VPS50: variants seen among roughly 807,000 people sequenced by gnomAD.
The protein encoded by VPS50 is syndetin.
Under a neutral mutation model 139.7 loss-of-function variants are expected in VPS50, and 70 were observed. The observed-to-expected ratio is 0.50, with a 90% CI of 0.41 to 0.61. The LOEUF is 0.61. Among genes scored for constraint, VPS50 ranks in the 20% least tolerant of loss-of-function variants. VPS50 has a pLI of 0.00. For synonymous variants in VPS50, 365 were observed against 376.7 expected, an observed-to-expected ratio of 0.97 and a Z score of 0.36; for missense variants, 921 against 1,133.7, an observed-to-expected ratio of 0.81 and a Z score of 2.69.
At chr7:93,271,591 A>G (rs1796011977) in intron 10 of VPS50, among the ~76,000 whole-genome samples, 1 of 151,710 alleles carries the variant, frequency 6.6e-6, no homozygotes, top group Admixed American at 6.6e-5. Flanking sequence ...CAGTTACTTT[A>G]TTGTTTAGTA....
chr7:93,233,701 G>A (rs1484205216), intron 1 of VPS50, among the ~76,000 whole-genome samples: 2 of 152,192 alleles, frequency 1.3e-5, no homozygotes, highest in African/African-American at 4.8e-5. Context: ...GGTGTTGTGC[G>A]TCCTACTACT....
At chr7:93,253,990 A>G in intron 4 of VPS50, 59 bp downstream of exon 4, 1 of 844,750 alleles carries the variant, frequency 1.2e-6, no homozygotes, top group East Asian at 2.5e-5. Flanking sequence ...CACAACAGAG[A>G]GGTATAATGT....
In VPS50 at chr7:93,324,456, C is replaced by T. The variant is rs139777730; in HGVS notation, c.1977+724C>T. Among the ~76,000 whole-genome samples, 1,132 of 152,292 alleles carry T rather than the reference C, an allele frequency of 7.4e-3. 13 individuals carry two copies. The highest frequency in any genetic ancestry group is 0.026 in the African/African-American group (1,074 of 41,556). On this transcript the variant is annotated intron_variant, in intron 21 of 27. Coordinates refer to ENST00000305866, the MANE Select transcript of VPS50 (RefSeq NM_017667.4). ...AGATAGCTCTTATTATTTTGAGATA[C>T]ATCCCGTGAATACCTAATTTATTGA...
At position 93,241,758 on chromosome 7, in the gene VPS50, C is replaced by T. The variant is rs138634073; in HGVS notation, c.102+1824C>T. ...TAAGAAGACTCATATTCAGAAATTC[C>T]CTACACAGCATAGCTTGATGTAGCT... On this transcript the variant is annotated intron_variant, in intron 2 of 27. Transcript: ENST00000305866. Among the ~76,000 whole-genome samples, 241 of 152,022 alleles carry T rather than the reference C, an allele frequency of 1.6e-3. 3 individuals are homozygous for T. Among genetic ancestry groups the T allele is most frequent in the African/African-American group, 5.7e-3 (238 of 41,490 alleles).
intron 10 of VPS50, 62 bp downstream of exon 10, chr7:93,271,324 A>G: frequency 1.4e-6 from 2 of 1,475,576 alleles, no homozygotes; most frequent in Non-Finnish European, 1.8e-6. Context: ...TGAATAGCCT[A>G]GGTGCAACAT....
chr7:93,256,920 ACTGT>A (rs1161985633), intron 5 of VPS50, among the ~76,000 whole-genome samples: 1 of 152,108 alleles, frequency 6.6e-6, no homozygotes, highest in Non-Finnish European at 1.5e-5. Context: ...TAAAATTGGT[ACTGT>A]CTAACTGAAT....
chr7:93,354,299 C>CT (rs199933408), intron 26 of VPS50, among the ~76,000 whole-genome samples: 151 of 141,222 alleles, frequency 1.1e-3, no homozygotes, highest in East Asian at 2.3e-3. Flanking sequence ...TCTTTTCTTT[C>CT]TTTTTTTTTT....
At chr7:93,325,674 CA>C (rs1797748753) in intron 21 of VPS50, among the ~76,000 whole-genome samples, 1 of 152,062 alleles carries the variant, frequency 6.6e-6, no homozygotes, top group Admixed American at 6.6e-5. Context: ...GACATTTATG[CA>C]GCCAAAAAAC....
At chr7:93,339,542 G>A (rs752632034) in intron 22 of VPS50, among the ~76,000 whole-genome samples, 3 of 152,022 alleles carry the variant, frequency 2.0e-5, no homozygotes, top group East Asian at 1.9e-4. Flanking sequence ...TATTAGATGC[G>A]TTTACATCCA....
intron 21 of VPS50, among the ~76,000 whole-genome samples, chr7:93,329,454 G>A (rs913150627): frequency 6.6e-6 from 1 of 151,824 alleles, no homozygotes; most frequent in East Asian, 1.9e-4. Flanking sequence ...AAACATGTTC[G>A]ATTATATCAC....
intron 22 of VPS50, among the ~76,000 whole-genome samples, chr7:93,335,025 T>G (rs1483506980): frequency 6.6e-6 from 1 of 152,184 alleles, no homozygotes; most frequent in Non-Finnish European, 1.5e-5. Flanking sequence ...TTATTGAAGC[T>G]TTTTATAAAG....
chr7:93,327,558 C>T (rs1210306013), intron 21 of VPS50, among the ~76,000 whole-genome samples: 1 of 152,044 alleles, frequency 6.6e-6, no homozygotes, highest in African/African-American at 2.4e-5. Context: ...TTGTTATGAA[C>T]ACACTAATCT....
At chr7:93,256,315 G>A (rs946775540) in intron 4 of VPS50, 194 bp from the exon 5 acceptor site, 3 of 384,546 alleles carry the variant, frequency 7.8e-6, no homozygotes, top group Non-Finnish European at 1.4e-5. Context: ...CCTGTGCTAT[G>A]TGCTTTATTA....
At position 93,341,529 on chromosome 7, in the gene VPS50, G is replaced by T. The variant is rs1248895939; in HGVS notation, c.2161G>T (p.Asp721Tyr). 6.2e-7 allele frequency: 1 copy of T among 1,612,316 alleles called. No homozygotes were observed. Among genetic ancestry groups the T allele is most frequent in the Admixed American group, 1.7e-5 (1 of 59,904 alleles). The part of the protein sequence containing the change: ...LSHLVVLTSG[D>Y]TLYGLAERVV... ...TCACCTAGTGGTTTTGACATCTGGG[G>T]ATACGCTGTATGGGTTGGCAGAAAG... Residue 721 changes from aspartate to tyrosine, a missense_variant, in exon 23 of 28, where the codon GAT becomes TAT. Asp to Tyr is a radical substitution (Grantham distance 160, BLOSUM62 -3). Around this residue, in one of 3 missense-constraint regions of VPS50, gnomAD observed 744 missense variants for 930.6 expected, o/e 0.80. Transcript: ENST00000305866.
At chr7:93,333,575 G>T (rs1427079727) in intron 21 of VPS50, among the ~76,000 whole-genome samples, 2 of 152,142 alleles carry the variant, frequency 1.3e-5, no homozygotes, top group Admixed American at 6.5e-5. Flanking sequence ...ATGCTCTTGT[G>T]TGAAGGTTTT....
At chr7:93,347,694 G>T (rs1447302385) in intron 23 of VPS50, among the ~76,000 whole-genome samples, 1 of 148,764 alleles carries the variant, frequency 6.7e-6, no homozygotes, top group Non-Finnish European at 1.5e-5. Context: ...GATGAAATTG[G>T]AAATCATCAT....
At chr7:93,330,693 G>A (rs182544298) in intron 21 of VPS50, among the ~76,000 whole-genome samples, 13 of 143,912 alleles carry the variant, frequency 9.0e-5, no homozygotes, top group Admixed American at 8.0e-4. Flanking sequence ...GGTCGAGGCT[G>A]CAGTGAGCTG....
chr7:93,259,925 C>G (rs888827994), intron 9 of VPS50, among the ~76,000 whole-genome samples: 4 of 152,108 alleles, frequency 2.6e-5, no homozygotes, highest in African/African-American at 9.7e-5. Flanking sequence ...AATAAATTAT[C>G]TGTTCATATC....
intron 9 of VPS50, among the ~76,000 whole-genome samples, chr7:93,268,234 G>A (rs1444936285): frequency 6.6e-6 from 1 of 152,140 alleles, no homozygotes; most frequent in African/African-American, 2.4e-5. Flanking sequence ...GAAGGATGTT[G>A]TACAATGTTT....
Sources: allele counts gnomAD v4.1 joint callset (sites outside exome capture counted in the v4.1 genomes callset), GRCh38; gene constraint gnomAD v4.1.1; regional missense constraint gnomAD v4.1.1; transcripts MANE v1.5; gene names NCBI Gene and HGNC (gene_info 2026-07-23, HGNC 2026-07-21).